Variants in SERPINI1 observed in about 807,000 individuals in gnomAD.
SERPINI1 encodes the protein serpin family I member 1, also known as neuroserpin.
A neutral mutation model predicts 41.1 loss-of-function variants in SERPINI1; 19 were observed. The ratio of observed to expected loss-of-function variants is 0.46; its 90% CI spans 0.32 to 0.68. The LOEUF is 0.68. Among genes scored for constraint, SERPINI1 ranks in the 30% least tolerant of loss-of-function variants. The pLI is 0.03. For missense variants in SERPINI1, 460 were observed against 479.2 expected, an observed-to-expected ratio of 0.96 and a Z score of 0.37; for synonymous variants, 138 against 156.6, an observed-to-expected ratio of 0.88 and a Z score of 0.89.
At chr3:167,816,424 T>C (rs989484770) in intron 6 of SERPINI1, among the ~76,000 whole-genome samples, 2 of 152,218 alleles carry the variant, frequency 1.3e-5, no homozygotes, top group African/African-American at 4.8e-5. Flanking sequence ...ACTGAAAGAC[T>C]TTATATACCC....
At chr3:167,766,383 ACCATCAGAT>A (rs1200035172) in intron 1 of SERPINI1, among the ~76,000 whole-genome samples, 3 of 152,180 alleles carry the variant, frequency 2.0e-5, no homozygotes, top group Non-Finnish European at 4.4e-5. Context: ...CATTTTTAAA[ACCATCAGAT>A]CCCTTGAGAT....
chr3:167,800,793 C>CTGTTT (rs10647517), intron 5 of SERPINI1, among the ~76,000 whole-genome samples: 5,254 of 151,676 alleles, frequency 0.035, 280 homozygotes, highest in African/African-American at 0.12. Context: ...TTTGTTGTTG[C>CTGTTT]TGTTTTGTTT....
intron 1 of SERPINI1, among the ~76,000 whole-genome samples, chr3:167,742,278 T>A (rs963282186): frequency 7.9e-5 from 12 of 152,178 alleles, no homozygotes; most frequent in Non-Finnish European, 1.5e-4. Context: ...ATTAACAATT[T>A]AAAAAATAAT....
intron 1 of SERPINI1, among the ~76,000 whole-genome samples, chr3:167,757,803 C>G (rs902865804): frequency 6.6e-6 from 1 of 152,084 alleles, no homozygotes; most frequent in African/African-American, 2.4e-5. Context: ...CCTGTAATCC[C>G]AGCTACTCGG....
intron 5 of SERPINI1, among the ~76,000 whole-genome samples, chr3:167,795,081 G>A (rs1263829951): frequency 6.6e-6 from 1 of 152,028 alleles, no homozygotes; most frequent in African/African-American, 2.4e-5. Flanking sequence ...TTCATTCGGT[G>A]CTATTCATCG....
At chr3:167,744,090 T>G (rs751330763) in intron 1 of SERPINI1, among the ~76,000 whole-genome samples, 1 of 152,124 alleles carries the variant, frequency 6.6e-6, no homozygotes, top group Non-Finnish European at 1.5e-5. Context: ...TTAAAAAAAT[T>G]TGTCAAACAC....
chr3:167,815,091 G>T (rs752568069), intron 6 of SERPINI1, among the ~76,000 whole-genome samples: 1 of 152,134 alleles, frequency 6.6e-6, no homozygotes, highest in South Asian at 2.1e-4. Context: ...CCTGGTACCC[G>T]GCAGTGTGCA....
intron 6 of SERPINI1, among the ~76,000 whole-genome samples, chr3:167,809,437 A>G (rs1216206159): frequency 4.6e-5 from 7 of 152,188 alleles, no homozygotes; most frequent in Non-Finnish European, 1.5e-5. Context: ...CTCAGTCCTG[A>G]CGGAGTAGCA....
intron 1 of SERPINI1, among the ~76,000 whole-genome samples, chr3:167,773,691 C>T (rs1289638122): frequency 6.6e-6 from 1 of 152,140 alleles, no homozygotes; most frequent in Non-Finnish European, 1.5e-5. Flanking sequence ...ACCTCTATTA[C>T]AATGTGTGTG....
chr3:167,782,239 A>G (rs1727156584), intron 1 of SERPINI1, among the ~76,000 whole-genome samples: 1 of 152,158 alleles, frequency 6.6e-6, no homozygotes, highest in African/African-American at 2.4e-5. Flanking sequence ...CATTTTGTAG[A>G]CTAATGTTAA....
intron 6 of SERPINI1, among the ~76,000 whole-genome samples, chr3:167,813,566 T>C (rs1239110558): frequency 6.6e-6 from 1 of 152,200 alleles, no homozygotes. Context: ...TAAGAGCAAG[T>C]TGAAAGGTCG....
intron 1 of SERPINI1, among the ~76,000 whole-genome samples, chr3:167,748,148 A>G (rs183255982): frequency 3.9e-5 from 6 of 152,262 alleles, no homozygotes; most frequent in Non-Finnish European, 8.8e-5. Context: ...TACTAAACAA[A>G]TATATTGCAG....
Position 167,779,086 on chromosome 3 carries a change from C to A in SERPINI1, c.-18-10025C>A, listed in dbSNP as rs562475269. On this transcript the variant is annotated intron_variant, in intron 1 of 8. Coordinates refer to ENST00000446050, the MANE Select transcript of SERPINI1 (RefSeq NM_001122752.2). ...ATTTTGGGCTATCATTGATACCGTACAAATTCAAGCAATGATTAAGTGATT... is the reference window on the plus strand; with the variant it reads ...ATTTTGGGCTATCATTGATACCGTAAAAATTCAAGCAATGATTAAGTGATT... Among the ~76,000 whole-genome samples the A allele has an allele frequency of 2.0e-5, 3 of 152,284 alleles. No homozygotes were observed. The South Asian group carries it at 6.2e-4, about 32-fold the overall frequency.
intron 5 of SERPINI1, among the ~76,000 whole-genome samples, chr3:167,806,239 G>A (rs1014565237): frequency 2.0e-5 from 3 of 151,966 alleles, no homozygotes; most frequent in South Asian, 2.1e-4. Flanking sequence ...ACCAAGCACC[G>A]GATGTTCTCA....
At position 167,768,980 on chromosome 3, in the gene SERPINI1, TTTTGTTTG is replaced by T. The variant is rs58300423; in HGVS notation, c.-18-20107_-18-20100del. On this transcript the variant is annotated intron_variant, in intron 1 of 8. Coordinates refer to ENST00000446050, the MANE Select transcript of SERPINI1 (RefSeq NM_001122752.2). ...GGAGCCCCTCCCTCTAATTTTGTTC[TTTTGTTTG>T]TTTGTTTGTTTGTTTGTTTGTTTTG... Among the ~76,000 whole-genome samples, 606 of 150,240 alleles carry T rather than the reference TTTTGTTTG, an allele frequency of 4.0e-3. 8 individuals carry two copies. Among genetic ancestry groups the T allele is most frequent in the African/African-American group, 0.014 (580 of 40,724 alleles).
At chr3:167,760,651 G>A (rs1041967622) in intron 1 of SERPINI1, among the ~76,000 whole-genome samples, 8 of 151,050 alleles carry the variant, frequency 5.3e-5, no homozygotes, top group Non-Finnish European at 1.2e-4. Context: ...AAACGCTATG[G>A]GTTGTTTAAG....
At chr3:167,767,169 A>G (rs1434742684) in intron 1 of SERPINI1, among the ~76,000 whole-genome samples, 5 of 152,232 alleles carry the variant, frequency 3.3e-5, no homozygotes, top group Non-Finnish European at 5.9e-5. Context: ...GTTGGAGCCA[A>G]TGCTCATTTA....
At chr3:167,760,341 A>C (rs907200617) in intron 1 of SERPINI1, among the ~76,000 whole-genome samples, 1 of 144,828 alleles carries the variant, frequency 6.9e-6, no homozygotes, top group East Asian at 2.0e-4. Flanking sequence ...CTGGATAACT[A>C]ATTTCAAATA....
At chr3:167,770,218 A>G (rs555334611) in intron 1 of SERPINI1, among the ~76,000 whole-genome samples, 2 of 151,922 alleles carry the variant, frequency 1.3e-5, no homozygotes, top group African/African-American at 4.8e-5. Flanking sequence ...GTATATGTTT[A>G]AAAAAGTTCA....
Sources: allele counts gnomAD v4.1 joint callset (sites outside exome capture counted in the v4.1 genomes callset), GRCh38; gene constraint gnomAD v4.1.1; transcripts MANE v1.5; gene names NCBI Gene and HGNC (gene_info 2026-07-23, HGNC 2026-07-21).